The following DIS3L2 variants were observed in gnomAD, a reference collection of about 807,000 sequenced individuals.
DIS3L2 encodes DIS3-like exonuclease 2.
DIS3L2 carries 34 observed loss-of-function variants against 97.5 expected under a neutral mutation model. The observed-to-expected ratio is 0.35, with a 90% CI of 0.27 to 0.46. DIS3L2 has a LOEUF of 0.46. DIS3L2 is among the 20% of genes least tolerant of loss of function. The probability of loss-of-function intolerance (pLI) is 1.00; values close to 1 mark genes in which losing one functional copy is unlikely to be tolerated. For missense variants in DIS3L2, 1,038 were observed against 1,146.0 expected (o/e 0.91, Z 1.36); for synonymous variants, 435 against 445.2 (o/e 0.98, Z 0.29).
At chr2:231,966,928 A>G (rs1270296790) in intron 1 of DIS3L2, among the ~76,000 whole-genome samples, 1 of 152,124 alleles carries the variant, frequency 6.6e-6, no homozygotes, top group African/African-American at 2.4e-5. Flanking sequence ...GAACCATAGC[A>G]AGAACTTGAT....
chr2:232,022,920 C>T (rs1694558954), intron 3 of DIS3L2, among the ~76,000 whole-genome samples: 1 of 152,194 alleles, frequency 6.6e-6, no homozygotes, highest in African/African-American at 2.4e-5. Flanking sequence ...GGAGCTTTGC[C>T]AACCTTATCT....
chr2:232,217,116 A>C lies in DIS3L2; in HGVS notation c.1204+6711A>C, dbSNP rs150214071. Among the ~76,000 whole-genome samples the C allele has an allele frequency of 3.3e-3, 501 of 152,158 alleles. 3 individuals are homozygous for C. Among genetic ancestry groups the C allele is most frequent in the African/African-American group, 0.011 (456 of 41,516 alleles). On this transcript the variant is annotated intron_variant, in intron 10 of 20. Transcript: ENST00000325385. ...TTGGCCTCCCAAAGTGCTGGGATTA[A>C]AGGTGTGAGCCACCGCGCCTGGCCA...
intron 12 of DIS3L2, among the ~76,000 whole-genome samples, chr2:232,258,539 G>A (rs746447216): frequency 7.4e-5 from 11 of 148,006 alleles, no homozygotes; most frequent in African/African-American, 1.5e-4. Flanking sequence ...AGCCCAGATC[G>A]TGCCACTGCA....
At chr2:232,061,274 C>G (rs1425362349) in intron 5 of DIS3L2, among the ~76,000 whole-genome samples, 1 of 152,184 alleles carries the variant, frequency 6.6e-6, no homozygotes, top group Non-Finnish European at 1.5e-5. Flanking sequence ...TCTTTTGTCT[C>G]TTTTTCCTAG....
chr2:232,174,008 T>C (rs1000589634), intron 9 of DIS3L2, among the ~76,000 whole-genome samples: 3 of 152,222 alleles, frequency 2.0e-5, no homozygotes, highest in African/African-American at 7.2e-5. Flanking sequence ...GCTCTGAGTC[T>C]GTAGATCAGT....
chr2:232,278,958 A>G (rs754990533), intron 13 of DIS3L2, among the ~76,000 whole-genome samples: 2 of 152,138 alleles, frequency 1.3e-5, no homozygotes, highest in Non-Finnish European at 2.9e-5. Context: ...TGTTTTTGAG[A>G]TGGAGTTTCG....
chr2:232,057,717 C>T (rs1695587006), intron 5 of DIS3L2, among the ~76,000 whole-genome samples: 1 of 152,082 alleles, frequency 6.6e-6, no homozygotes, highest in African/African-American at 2.4e-5. Flanking sequence ...CCAGCTAAGC[C>T]ATACCGAGAT....
intron 13 of DIS3L2, among the ~76,000 whole-genome samples, chr2:232,288,245 A>G (rs1161314440): frequency 1.3e-5 from 2 of 152,196 alleles, no homozygotes; most frequent in African/African-American, 4.8e-5. Flanking sequence ...CTGAACTTTG[A>G]TGGGAGCTCT....
At chr2:232,119,654 A>G (rs544865428) in intron 6 of DIS3L2, among the ~76,000 whole-genome samples, 70 of 152,332 alleles carry the variant, frequency 4.6e-4, no homozygotes, top group African/African-American at 1.5e-3. Flanking sequence ...TGCTCAGGGA[A>G]AAGCAGAAGA....
At chr2:232,308,805 T>G (rs1695048053) in intron 14 of DIS3L2, among the ~76,000 whole-genome samples, 2 of 152,230 alleles carry the variant, frequency 1.3e-5, no homozygotes, top group African/African-American at 4.8e-5. Flanking sequence ...CTTAGCCTGC[T>G]TGGCATCCCC....
intron 8 of DIS3L2, among the ~76,000 whole-genome samples, chr2:232,148,213 C>T (rs1011147366): frequency 6.6e-6 from 1 of 151,914 alleles, no homozygotes; most frequent in African/African-American, 2.4e-5. Context: ...TCATGCCCAG[C>T]AATTTTTATA....
intron 13 of DIS3L2, among the ~76,000 whole-genome samples, chr2:232,283,921 G>C (rs1287434197): frequency 6.6e-6 from 1 of 152,184 alleles, no homozygotes; most frequent in African/African-American, 2.4e-5. Flanking sequence ...TTATGCCAAT[G>C]TCAGTTTCCT....
At chr2:232,203,273 G>C (rs1437512078) in intron 9 of DIS3L2, among the ~76,000 whole-genome samples, 2 of 152,060 alleles carry the variant, frequency 1.3e-5, no homozygotes, top group African/African-American at 2.4e-5. Flanking sequence ...TTGCTTGCTA[G>C]CACGGAGACA....
intron 14 of DIS3L2, chr2:232,329,005 C>G (rs1036936356): frequency 6.6e-6 from 1 of 152,426 alleles, no homozygotes; most frequent in Non-Finnish European, 1.5e-5. Context: ...GTCCCCGCTC[C>G]TTCAGTCTGG....
intron 12 of DIS3L2, among the ~76,000 whole-genome samples, chr2:232,249,613 G>A (rs186929468): frequency 4.6e-4 from 70 of 152,340 alleles, no homozygotes; most frequent in African/African-American, 1.6e-3. Context: ...GAGTGATGCC[G>A]GGGAGGCTTA....
rs1574988425 is a variant in DIS3L2 at position 232,276,930 on chromosome 2, C to A, written c.1659+13490C>A. Among the ~76,000 whole-genome samples the A allele has an allele frequency of 6.6e-6, 1 of 152,294 alleles. No individual in the cohort carries two copies. The highest frequency in any genetic ancestry group is 1.9e-4 in the East Asian group (1 of 5,180). On this transcript the variant is annotated intron_variant, in intron 13 of 20. Transcript: ENST00000325385. The surrounding 1 kb of genome is among the most constrained non-coding windows in gnomAD (Gnocchi z 4.4). ...GTGTGGCCAGATGGTGAGAAAGGGC[C>A]CACTTCTGTCTTCACAGAAGAGCTA...
chr2:232,263,114 T>C, intron 12 of DIS3L2, 93 bp from the exon 13 acceptor site: 1 of 1,315,980 alleles, frequency 7.6e-7, no homozygotes, highest in South Asian at 1.3e-5. Flanking sequence ...TCAATAAATC[T>C]TTGTTGAATG....
intron 1 of DIS3L2, among the ~76,000 whole-genome samples, chr2:232,009,308 ATATATTC>A (rs1559537261): frequency 2.0e-5 from 3 of 152,056 alleles, no homozygotes; most frequent in Non-Finnish European, 4.4e-5. Flanking sequence ...ATTTCTGATA[ATATATTC>A]TGTATTCTGA....
chr2:232,253,586 A>G (rs1240345903), intron 12 of DIS3L2, among the ~76,000 whole-genome samples: 1 of 152,164 alleles, frequency 6.6e-6, no homozygotes, highest in Non-Finnish European at 1.5e-5. Flanking sequence ...TATTTATGTA[A>G]TCATAATAGT....
Sources: allele counts gnomAD v4.1 joint callset (sites outside exome capture counted in the v4.1 genomes callset), GRCh38; gene constraint gnomAD v4.1.1; non-coding constraint Gnocchi (gnomAD v3.1); transcripts MANE v1.5; gene names NCBI Gene and HGNC (gene_info 2026-07-23, HGNC 2026-07-21).